PTPRN2: variants seen among roughly 807,000 people sequenced by gnomAD.
The protein encoded by PTPRN2 is protein tyrosine phosphatase receptor type N2.
Under a neutral mutation model 118.8 loss-of-function variants are expected in PTPRN2, and 74 were observed. The observed-to-expected ratio is 0.62, with a 90% confidence interval of 0.52 to 0.76. PTPRN2 has a LOEUF of 0.76. Among genes scored for constraint, PTPRN2 ranks in the 30% least tolerant of loss-of-function variants. The probability of loss-of-function intolerance (pLI) is 0.00; values close to 1 mark genes in which losing one functional copy is unlikely to be tolerated. For synonymous variants in PTPRN2, 641 were observed against 608.0 expected, an observed-to-expected ratio of 1.05 and a Z score of -0.80; for missense variants, 1,481 against 1,394.4, an observed-to-expected ratio of 1.06 and a Z score of -0.99.
chr7:157,845,775 A>G lies in PTPRN2; in HGVS notation c.1788+52898T>C, dbSNP rs1808763372. 6.6e-6 allele frequency among the ~76,000 whole-genome samples: 1 copy of G among 152,180 alleles called. No individual in the cohort carries two copies. Among genetic ancestry groups the G allele is most frequent in the African/African-American group, 2.4e-5 (1 of 41,432 alleles). ...ACGGGGACGGCAGCAAGGACACAGC[A>G]GGGCCATGGGCAGAGGAAGGACAAG... On this transcript the variant is annotated intron_variant, in intron 12 of 22. Coordinates refer to ENST00000389418, the MANE Select transcript of PTPRN2 (RefSeq NM_002847.5). This position sits in a 1 kb window ranked among gnomAD's most constrained non-coding sequence, Gnocchi z 4.5.
chr7:157,705,573 C>G (rs896022340), intron 12 of PTPRN2, among the ~76,000 whole-genome samples: 5 of 152,058 alleles, frequency 3.3e-5, no homozygotes, highest in Admixed American at 3.3e-4. Flanking sequence ...ACCCAGGTGC[C>G]TTCCGGATCA....
At chr7:158,140,819 G>T (rs978688953) in intron 6 of PTPRN2, among the ~76,000 whole-genome samples, 7 of 152,200 alleles carry the variant, frequency 4.6e-5, no homozygotes, top group African/African-American at 1.7e-4. Flanking sequence ...CCCCTCAACA[G>T]CAGCAATAAA....
chr7:158,583,341 A>C (rs1293770827), intron 1 of PTPRN2, among the ~76,000 whole-genome samples: 1 of 152,180 alleles, frequency 6.6e-6, no homozygotes, highest in Non-Finnish European at 1.5e-5. Flanking sequence ...TATTCTTCAC[A>C]GGAAGCTGGA....
At chr7:157,923,431 G>A (rs1407655634) in intron 11 of PTPRN2, among the ~76,000 whole-genome samples, 7 of 152,190 alleles carry the variant, frequency 4.6e-5, no homozygotes, top group Non-Finnish European at 1.0e-4. Flanking sequence ...GCCTGTGGAG[G>A]GGAGCTCTTT....
In PTPRN2 at chr7:158,103,455, T is replaced by G. The variant is rs114075754; in HGVS notation, c.1643+7374A>C. ...CAAAGACCATCAGGAAAACTGCACTTTCTGGACTAACGTGGCTGTGCCCAT... is the reference window on the plus strand; with the variant it reads ...CAAAGACCATCAGGAAAACTGCACTGTCTGGACTAACGTGGCTGTGCCCAT... On this transcript the variant is annotated intron_variant, in intron 10 of 22. Transcript: ENST00000389418. Among the ~76,000 whole-genome samples the G allele has an allele frequency of 6.8e-3, 1,042 of 152,312 alleles. 12 individuals carry two copies. The highest frequency in any genetic ancestry group is 0.017 in the Middle Eastern group (5 of 294).
intron 11 of PTPRN2, among the ~76,000 whole-genome samples, chr7:157,961,680 T>C (rs1440023412): frequency 1.3e-5 from 2 of 152,222 alleles, no homozygotes; most frequent in African/African-American, 4.8e-5. Flanking sequence ...ATTTAGTTTC[T>C]CTATTCTTCA....
chr7:157,606,449 G>A (rs986717384), intron 15 of PTPRN2, among the ~76,000 whole-genome samples: 2 of 152,274 alleles, frequency 1.3e-5, no homozygotes, highest in Admixed American at 6.5e-5. Context: ...CAGAGGGCCT[G>A]TCACTGCCAT....
chr7:158,434,672 C>A (rs1044740059), intron 2 of PTPRN2, among the ~76,000 whole-genome samples: 1 of 151,966 alleles, frequency 6.6e-6, no homozygotes, highest in Admixed American at 6.6e-5. Context: ...GGATTTATAT[C>A]GACTATCTTA....
At chr7:157,542,422 A>C (rs1563197360) in intron 22 of PTPRN2, among the ~76,000 whole-genome samples, 1 of 152,122 alleles carries the variant, frequency 6.6e-6, no homozygotes, top group Non-Finnish European at 1.5e-5. Flanking sequence ...TAGCCTGAGA[A>C]ATGATCTTTA....
At chr7:158,251,936 G>A (rs1253926136) in intron 3 of PTPRN2, among the ~76,000 whole-genome samples, 1 of 152,140 alleles carries the variant, frequency 6.6e-6, no homozygotes, top group Admixed American at 6.5e-5. Context: ...ACACAAGCAG[G>A]GCTCCCTAAG....
intron 13 of PTPRN2, among the ~76,000 whole-genome samples, chr7:157,677,099 C>A (rs765223496): frequency 6.6e-6 from 1 of 152,072 alleles, no homozygotes; most frequent in Non-Finnish European, 1.5e-5. Flanking sequence ...CCCCCACCTC[C>A]TTTCCTGCGC....
At chr7:157,578,234 T>G in intron 17 of PTPRN2, 94 bp from the exon 18 acceptor site, 2 of 1,379,040 alleles carry the variant, frequency 1.5e-6, no homozygotes, top group Non-Finnish European at 1.9e-6. Flanking sequence ...TCCAAATTTA[T>G]TCCATTCACA....
chr7:158,263,133 ACACACATTCACACACTGCACACAGT>A (rs1009532025), intron 3 of PTPRN2, among the ~76,000 whole-genome samples: 1 of 147,008 alleles, frequency 6.8e-6, no homozygotes, highest in Non-Finnish European at 1.5e-5. Flanking sequence ...ATACACATAT[ACACACATTCACACACTGCACACAGT>A]CACACATTCA....
At chr7:158,552,712 T>C (rs1758804939) in intron 1 of PTPRN2, among the ~76,000 whole-genome samples, 1 of 152,190 alleles carries the variant, frequency 6.6e-6, no homozygotes, top group Admixed American at 6.5e-5. Context: ...CTCCCAAAGT[T>C]CTGGGATTAC....
chr7:157,969,851 AGAG>A (rs1802198265), intron 11 of PTPRN2, among the ~76,000 whole-genome samples: 1 of 151,914 alleles, frequency 6.6e-6, no homozygotes, highest in Non-Finnish European at 1.5e-5. Flanking sequence ...CCTAAGGGAG[AGAG>A]GAGAGGAAGA....
chr7:158,192,027 A>G (rs1489462818), intron 5 of PTPRN2, among the ~76,000 whole-genome samples: 1 of 151,416 alleles, frequency 6.6e-6, no homozygotes, highest in Non-Finnish European at 1.5e-5. Context: ...TATCTCCTCT[A>G]CCTCCCTGGT....
At chr7:157,852,637 G>T (rs1046289436) in intron 12 of PTPRN2, among the ~76,000 whole-genome samples, 1 of 152,188 alleles carries the variant, frequency 6.6e-6, no homozygotes, top group Non-Finnish European at 1.5e-5. Flanking sequence ...TTGGGAGGCT[G>T]AGAAGGGCGG....
chr7:158,110,996 C>T, intron 9 of PTPRN2, 81 bp from the exon 10 acceptor site: 7 of 1,239,488 alleles, frequency 5.6e-6, no homozygotes, highest in Non-Finnish European at 7.9e-6. Flanking sequence ...GCCCCACAGC[C>T]CCGCTCCCTG....
At chr7:157,914,660 G>C (rs937586984) in intron 11 of PTPRN2, among the ~76,000 whole-genome samples, 1 of 151,314 alleles carries the variant, frequency 6.6e-6, no homozygotes, top group Non-Finnish European at 1.5e-5. Context: ...GAATGCTTAT[G>C]AACCGTGTGT....
Sources: allele counts gnomAD v4.1 joint callset (sites outside exome capture counted in the v4.1 genomes callset), GRCh38; gene constraint gnomAD v4.1.1; non-coding constraint Gnocchi (gnomAD v3.1); transcripts MANE v1.5; gene names NCBI Gene and HGNC (gene_info 2026-07-23, HGNC 2026-07-21).